VWA5B1: variants seen among roughly 807,000 people sequenced by gnomAD.
The protein encoded by VWA5B1 is von Willebrand factor A domain-containing protein 5B1.
A neutral mutation model predicts 118.2 loss-of-function variants in VWA5B1; 115 were observed. That is an observed-to-expected ratio of 0.97 (90% CI 0.84 to 1.14). The LOEUF is 1.14. Ranked by LOEUF, VWA5B1 falls within the 50% of genes most tolerant of loss-of-function variation. The pLI, the probability that VWA5B1 is intolerant of heterozygous loss-of-function variation, is 0.00. For synonymous variants in VWA5B1, 682 were observed against 658.4 expected, an observed-to-expected ratio of 1.04 and a Z score of -0.55; for missense variants, 1,596 against 1,603.8, an observed-to-expected ratio of 1.00 and a Z score of 0.08.
Position 20,345,594 on chromosome 1 carries a change from G to C in VWA5B1, c.2764+1G>C, listed in dbSNP as rs1054768258. 2 of 1,544,690 alleles carry C rather than the reference G, an allele frequency of 1.3e-6. No individual in the cohort carries two copies. The highest frequency in any genetic ancestry group is 2.7e-5 in the African/African-American group (2 of 72,880). On this transcript the variant is annotated splice_donor_variant, in intron 17 of 21. Coordinates refer to ENST00000289815, the MANE Select transcript of VWA5B1 (RefSeq NM_001039500.3). LOFTEE classifies it high-confidence loss of function. The stretch of plus-strand genomic sequence containing the variant: ...ACCGTGGTGGAGTACCCCAACTCTG[G>C]TAAGGCAGGCGAGCGGCCGGGGGCA...
At position 20,354,118 on chromosome 1, in the gene VWA5B1, A is replaced by G. The variant is rs1442415859; in HGVS notation, c.3503A>G (p.Asn1168Ser). ...TEWELVAAKA[N>S]SWLEQQEVPE... ...TGGGAGTTGGTGGCTGCCAAGGCCA[A>G]CTCATGGCTGGAGCAGCAGGAAGTA... is the stretch of plus-strand genomic sequence containing the variant. Residue 1168 changes from asparagine to serine, a missense_variant, in exon 22 of 22, where the codon AAC becomes AGC. Transcript: ENST00000289815. The G allele has an allele frequency of 1.5e-5, 24 of 1,551,502 alleles. No homozygotes were observed. In the East Asian group the frequency reaches 5.9e-4, roughly 38 times the overall value.
At chr1:20,291,359 T>TTCTCTCTCTCTCTCTCTCTCTCTC (rs67596546) in intron 1 of VWA5B1, among the ~76,000 whole-genome samples, 2 of 103,342 alleles carry the variant, frequency 1.9e-5, no homozygotes, top group African/African-American at 7.3e-5. Flanking sequence ...CTTTCTTTCT[T>TTCTCTCTCTCTCTCTCTCTCTCTC]TCTCTCTCTC....
chr1:20,349,149 C>G (rs1397138569), intron 18 of VWA5B1: 3 of 416,118 alleles, frequency 7.2e-6, no homozygotes, highest in African/African-American at 2.1e-5. Flanking sequence ...AAAACAGAAA[C>G]AGAACACAGT....
intron 5 of VWA5B1, 187 bp from the exon 6 acceptor site, chr1:20,318,403 A>T: frequency 1.3e-6 from 1 of 780,712 alleles, no homozygotes. Context: ...GACACCATCT[A>T]TCTAAGCTTT....
intron 1 of VWA5B1, among the ~76,000 whole-genome samples, chr1:20,301,251 C>T (rs536121133): frequency 1.8e-4 from 28 of 152,280 alleles, no homozygotes; most frequent in African/African-American, 5.8e-4. Context: ...AGAGTGAAGC[C>T]GGAAGGATAA....
chr1:20,341,041 A>G lies in VWA5B1; in HGVS notation c.2134-1391A>G, dbSNP rs552770737. 2.0e-5 allele frequency among the ~76,000 whole-genome samples: 3 copies of G among 152,228 alleles called. No homozygotes were observed. The South Asian group carries it at 6.2e-4, about 31-fold the overall frequency. Reference sequence around the variant, plus strand: ...TATATGGTCATGTAATCATCGCCACAATGAGGTTACAGGACAATCACAATT... The same window carrying G: ...TATATGGTCATGTAATCATCGCCACGATGAGGTTACAGGACAATCACAATT... On this transcript the variant is annotated intron_variant, in intron 14 of 21. Coordinates refer to ENST00000289815, the MANE Select transcript of VWA5B1 (RefSeq NM_001039500.3).
Position 20,297,996 on chromosome 1 carries a change from A to ATTTTTTTTTTTTT in VWA5B1, c.-27+6918_-27+6930dup, listed in dbSNP as rs60497976. 3.0e-3 allele frequency among the ~76,000 whole-genome samples: 380 copies of ATTTTTTTTTTTTT among 126,582 alleles called. 3 individuals carry two copies. Among genetic ancestry groups the ATTTTTTTTTTTTT allele is most frequent in the East Asian group, 0.014 (53 of 3,862 alleles). 83.0% of individuals were successfully genotyped at this position (126,582 alleles called of 152,430 possible). On this transcript the variant is annotated intron_variant, in intron 1 of 21. Transcript: ENST00000289815. ...GATTACTTTCATGACTCGGTGGTGG[A>ATTTTTTTTTTTTT]TTTTTTTTTTTTTTTTTTTTTTGTT...
chr1:20,309,062 G>A (rs1473547706), intron 1 of VWA5B1, among the ~76,000 whole-genome samples: 4 of 152,148 alleles, frequency 2.6e-5, no homozygotes, highest in African/African-American at 7.2e-5. Flanking sequence ...TTACTTGGGC[G>A]AGGGTCTTGG....
At chr1:20,309,883 A>G (rs1056474823) in intron 1 of VWA5B1, among the ~76,000 whole-genome samples, 3 of 143,674 alleles carry the variant, frequency 2.1e-5, no homozygotes, top group Admixed American at 7.1e-5. Flanking sequence ...TAGGGAAGAC[A>G]CATGGGTCTT....
chr1:20,350,365 T>C, intron 19 of VWA5B1, 135 bp downstream of exon 19: 2 of 969,308 alleles, frequency 2.1e-6, no homozygotes, highest in South Asian at 3.0e-5. Context: ...GCATGGGGAA[T>C]AGGATTATCC....
chr1:20,323,581 T>A (rs949008692), intron 8 of VWA5B1, 49 bp downstream of exon 8: 104 of 1,322,312 alleles, frequency 7.9e-5, no homozygotes, highest in Non-Finnish European at 1.0e-4. Flanking sequence ...CCAGGGGAAA[T>A]CAGCTGTGTG....
In VWA5B1 at chr1:20,344,566, G is replaced by A. The variant is rs112035310; in HGVS notation, c.2627-890G>A. Reference sequence around the variant, plus strand: ...TAAGTGCTATTAAGAAAAAAGACAGGGATCCAAGAGATTGTATAACAGGGA... The same window carrying A: ...TAAGTGCTATTAAGAAAAAAGACAGAGATCCAAGAGATTGTATAACAGGGA... On this transcript the variant is annotated intron_variant, in intron 16 of 21. Coordinates refer to ENST00000289815, the MANE Select transcript of VWA5B1 (RefSeq NM_001039500.3). Among the ~76,000 whole-genome samples, 71 of 152,206 alleles carry A rather than the reference G, an allele frequency of 4.7e-4. 1 individual carries two copies. Among genetic ancestry groups the A allele is most frequent in the African/African-American group, 1.7e-3 (70 of 41,524 alleles).
At chr1:20,351,417 G>A (rs1215200266) in intron 20 of VWA5B1, among the ~76,000 whole-genome samples, 1 of 152,166 alleles carries the variant, frequency 6.6e-6, no homozygotes, top group Non-Finnish European at 1.5e-5. Context: ...ACTTTGGGAG[G>A]CCGAGATGGG....
intron 9 of VWA5B1, among the ~76,000 whole-genome samples, chr1:20,329,102 C>A (rs896145369): frequency 6.6e-6 from 1 of 152,080 alleles, no homozygotes; most frequent in Non-Finnish European, 1.5e-5. Flanking sequence ...TTTAACAAAA[C>A]CCCTGCAGTC....
rs563960475 is a variant in VWA5B1 at position 20,343,414 on chromosome 1, C to T, written c.2626+21C>T. 429 of 1,487,374 alleles carry T rather than the reference C, an allele frequency of 2.9e-4. 1 individual carries two copies. In the African/African-American group the frequency reaches 5.2e-3, roughly 18 times the overall value. 92.1% of individuals were successfully genotyped at this position (1,487,374 alleles called of 1,614,324 possible). A position where few individuals can be genotyped will look rare whatever the true frequency, so the allele number is the denominator to read the frequency against. ...GCAGGGTGAGCGCCACGGAACTGCGCCCCTCCCGCGGACGGCCTCCGGAGG... is the reference window on the plus strand; with the variant it reads ...GCAGGGTGAGCGCCACGGAACTGCGTCCCTCCCGCGGACGGCCTCCGGAGG... On this transcript the variant is annotated intron_variant, in intron 16 of 21. Coordinates refer to ENST00000289815, the MANE Select transcript of VWA5B1 (RefSeq NM_001039500.3).
chr1:20,317,811 C>A (rs1384911795), intron 5 of VWA5B1, 136 bp downstream of exon 5: 8 of 1,160,548 alleles, frequency 6.9e-6, no homozygotes, highest in Admixed American at 3.1e-5. Context: ...AGCCTGTGGA[C>A]CCCCATTTCC....
chr1:20,324,885 C>T (rs555684910), intron 8 of VWA5B1, among the ~76,000 whole-genome samples: 104 of 152,274 alleles, frequency 6.8e-4, no homozygotes, highest in African/African-American at 2.4e-3. Context: ...ACCTGCCCAC[C>T]GTCAGAGGCA....
intron 1 of VWA5B1, among the ~76,000 whole-genome samples, chr1:20,306,120 A>T (rs987863100): frequency 6.6e-6 from 1 of 152,178 alleles, no homozygotes; most frequent in Admixed American, 6.5e-5. Context: ...GAGACATGCT[A>T]TGGAAAAAAC....
intron 8 of VWA5B1, 140 bp downstream of exon 8, chr1:20,323,672 C>A: frequency 1.1e-6 from 1 of 896,930 alleles, no homozygotes; most frequent in Non-Finnish European, 1.5e-6. Context: ...ACCCAAACTC[C>A]ATTTGCATCC....
Sources: gnomAD v4.1 joint callset for allele counts (sites outside exome capture counted in the v4.1 genomes callset) on GRCh38, gnomAD v4.1.1 for gene constraint, MANE v1.5 for transcripts, NCBI Gene and HGNC (gene_info 2026-07-23, HGNC 2026-07-21) for gene names.